The following WASHC2C variants were observed in gnomAD, a reference collection of about 807,000 sequenced individuals.
WASHC2C encodes the protein WASH complex subunit 2C.
Under a neutral mutation model 142.2 loss-of-function variants are expected in WASHC2C, and 73 were observed. The observed-to-expected ratio is 0.51, with a 90% CI of 0.43 to 0.62. The LOEUF is 0.62. Ranked by LOEUF, WASHC2C falls within the 20% of genes least tolerant of loss-of-function variation. WASHC2C has a pLI of 0.00. For missense variants in WASHC2C, 969 were observed against 1,531.7 expected, an observed-to-expected ratio of 0.63 and a Z score of 6.13; for synonymous variants, 337 against 565.5, an observed-to-expected ratio of 0.60 and a Z score of 5.73.
At chr10:45,766,159 G>T (rs1420928121) in intron 19 of WASHC2C, among the ~76,000 whole-genome samples, 4 of 151,948 alleles carry the variant, frequency 2.6e-5, no homozygotes, top group Non-Finnish European at 4.4e-5. Context: ...GCAAGTTTAC[G>T]TAAGATAAGT....
At chr10:45,753,977 G>A (rs1230084182) in intron 13 of WASHC2C, among the ~76,000 whole-genome samples, 1 of 151,670 alleles carries the variant, frequency 6.6e-6, no homozygotes, top group Non-Finnish European at 1.5e-5. Flanking sequence ...TGTGCCTGCT[G>A]TGCGGGCTGC....
intron 5 of WASHC2C, among the ~76,000 whole-genome samples, chr10:45,742,457 G>A (rs1161901139): frequency 6.6e-6 from 1 of 151,722 alleles, no homozygotes; most frequent in South Asian, 2.1e-4. Flanking sequence ...TGGGATTATA[G>A]GTGTGCGCCA....
At chr10:45,784,447 T>C (rs1554889159) in intron 23 of WASHC2C, 118 bp from the exon 24 acceptor site, 5 of 1,314,462 alleles carry the variant, frequency 3.8e-6, no homozygotes, top group Non-Finnish European at 4.1e-6. Flanking sequence ...GGCCAGCCTT[T>C]TGCTAATATA....
At chr10:45,756,774 T>A (rs1261363716) in intron 15 of WASHC2C, among the ~76,000 whole-genome samples, 1 of 152,256 alleles carries the variant, frequency 6.6e-6, no homozygotes, top group African/African-American at 2.4e-5. Flanking sequence ...GCTGCTTGGA[T>A]AAGCATGTCA....
chr10:45,785,089 C>T (rs1173037033), intron 25 of WASHC2C, among the ~76,000 whole-genome samples, 188 bp downstream of exon 25: 4 of 152,218 alleles, frequency 2.6e-5, no homozygotes, highest in Non-Finnish European at 5.9e-5. Flanking sequence ...TGTTCCTCAT[C>T]TTATGTTCCC....
intron 2 of WASHC2C, among the ~76,000 whole-genome samples, chr10:45,728,263 C>G: frequency 6.6e-6 from 1 of 152,152 alleles, no homozygotes; most frequent in East Asian, 1.9e-4. Flanking sequence ...CTCCTGGACT[C>G]TAGCGATAAC....
At chr10:45,734,462 T>C (rs1303476797) in intron 3 of WASHC2C, among the ~76,000 whole-genome samples, 2 of 152,082 alleles carry the variant, frequency 1.3e-5, no homozygotes, top group Non-Finnish European at 2.9e-5. Flanking sequence ...TGAATTTAAT[T>C]TTTTTGTTCT....
intron 6 of WASHC2C, among the ~76,000 whole-genome samples, chr10:45,744,492 G>A (rs2052556955): frequency 6.8e-6 from 1 of 146,410 alleles, no homozygotes; most frequent in South Asian, 2.2e-4. Flanking sequence ...TCCAGGACCA[G>A]CCACCACATT....
intron 30 of WASHC2C, among the ~76,000 whole-genome samples, 177 bp downstream of exon 30, chr10:45,790,710 T>C (rs1267010505): frequency 0.037 from 5,596 of 152,270 alleles, 105 homozygotes; most frequent in East Asian, 0.05. Context: ...TTTAGTGAAG[T>C]AACTCTTTCC....
At chr10:45,742,976 G>A (rs1554869006) in intron 5 of WASHC2C, among the ~76,000 whole-genome samples, 1 of 151,114 alleles carries the variant, frequency 6.6e-6, no homozygotes, top group East Asian at 1.9e-4. Flanking sequence ...CTGGGTTCAA[G>A]TGATTCTCCT....
chr10:45,784,274 A>ATG (rs1200795260), intron 23 of WASHC2C, among the ~76,000 whole-genome samples: 11 of 6,262 alleles, frequency 1.8e-3, no homozygotes, highest in African/African-American at 2.9e-3. Context: ...ATATATATAT[A>ATG]TATATATATA....
At chr10:45,746,826 C>G (rs1280375663) in intron 8 of WASHC2C, among the ~76,000 whole-genome samples, 179 bp downstream of exon 8, 4 of 151,966 alleles carry the variant, frequency 2.6e-5, no homozygotes, top group Non-Finnish European at 5.9e-5. Context: ...ATATTTTTTC[C>G]AATTTTGCTT....
At chr10:45,753,658 T>G (rs1231564037) in intron 13 of WASHC2C, among the ~76,000 whole-genome samples, 2 of 140,058 alleles carry the variant, frequency 1.4e-5, no homozygotes, top group African/African-American at 2.8e-5. Context: ...TTTTTGTATT[T>G]TTAGTAGAGA....
At chr10:45,755,205 T>C (rs1289445605) in intron 15 of WASHC2C, 90 bp downstream of exon 15, 2 of 1,529,212 alleles carry the variant, frequency 1.3e-6, no homozygotes. Flanking sequence ...CTGTATCTCT[T>C]ACAGTGCCAG....
chr10:45,741,842 A>C lies in WASHC2C; in HGVS notation c.529-1548A>C, dbSNP rs528514035. Among the ~76,000 whole-genome samples, 724 of 147,206 alleles carry C rather than the reference A, an allele frequency of 4.9e-3. 7 individuals carry two copies. Among genetic ancestry groups the C allele is most frequent in the African/African-American group, 0.017 (686 of 39,264 alleles). On this transcript the variant is annotated intron_variant, in intron 5 of 30. Transcript: ENST00000623400. The stretch of plus-strand genomic sequence containing the variant: ...AGACAGAGTTTCACTCTTGTTGCCC[A>C]AGCTGGAGTGGCGCAATCTCGGCTC...
At chr10:45,738,113 A>C in intron 4 of WASHC2C, 68 bp downstream of exon 4, 2 of 1,512,396 alleles carry the variant, frequency 1.3e-6, no homozygotes, top group Non-Finnish European at 1.8e-6. Flanking sequence ...TCGATGTGTT[A>C]TGTGGGAACT....
At chr10:45,748,927 A>T (rs1457017976) in intron 8 of WASHC2C, among the ~76,000 whole-genome samples, 1 of 152,132 alleles carries the variant, frequency 6.6e-6, no homozygotes, top group East Asian at 1.9e-4. Flanking sequence ...TTGCTTTTAT[A>T]AACACATCTG....
intron 19 of WASHC2C, among the ~76,000 whole-genome samples, chr10:45,766,849 C>CT (rs1200039204): frequency 5.9e-5 from 9 of 151,846 alleles, no homozygotes; most frequent in African/African-American, 1.9e-4. Flanking sequence ...AATAATTCCT[C>CT]TTTTTTTTAA....
chr10:45,752,240 C>G (rs2053683842), intron 11 of WASHC2C, among the ~76,000 whole-genome samples: 1 of 152,264 alleles, frequency 6.6e-6, no homozygotes, highest in Non-Finnish European at 1.5e-5. Flanking sequence ...TTTGTTTATT[C>G]TGCCCTTCCT....
Sources: allele counts gnomAD v4.1 joint callset (sites outside exome capture counted in the v4.1 genomes callset), GRCh38; gene constraint gnomAD v4.1.1; transcripts MANE v1.5; gene names NCBI Gene and HGNC (gene_info 2026-07-23, HGNC 2026-07-21).